The following BAALC variants were observed in gnomAD, a reference collection of about 807,000 sequenced individuals.
BAALC encodes the protein BAALC binder of MAP3K1 and KLF4.
In BAALC, 9 loss-of-function variants were observed where a neutral mutation model predicts 15.5. The observed-to-expected ratio is 0.58, with a 90% CI of 0.35 to 1.02. The LOEUF is 1.02. Among genes scored for constraint, BAALC ranks in the 50% least tolerant of loss-of-function variants. The probability of loss-of-function intolerance (pLI) is 0.02; values close to 1 mark genes in which losing one functional copy is unlikely to be tolerated. For missense variants in BAALC, 201 were observed against 192.4 expected (o/e 1.04, Z -0.27); for synonymous variants, 80 against 74.6 (o/e 1.07, Z -0.37).
At chr8:103,155,040 C>T (rs190443244) in intron 1 of BAALC, among the ~76,000 whole-genome samples, 4 of 152,024 alleles carry the variant, frequency 2.6e-5, no homozygotes, top group Non-Finnish European at 4.4e-5. Context: ...GCCTCCATTC[C>T]ACTTCGCCAA....
At chr8:103,181,311 C>T (rs868244312) in intron 1 of BAALC, among the ~76,000 whole-genome samples, 11 of 152,112 alleles carry the variant, frequency 7.2e-5, no homozygotes, top group Non-Finnish European at 1.3e-4. Context: ...CTCGCTCTGT[C>T]GCCCAGGCTG....
At chr8:103,211,455 A>T (rs1357198614) in intron 1 of BAALC, among the ~76,000 whole-genome samples, 4 of 152,028 alleles carry the variant, frequency 2.6e-5, no homozygotes, top group Non-Finnish European at 5.9e-5. Flanking sequence ...ACTCGTCCTC[A>T]TTTTGTGGTT....
At chr8:103,224,302 A>G (rs923870552) in intron 2 of BAALC, among the ~76,000 whole-genome samples, 8 of 152,046 alleles carry the variant, frequency 5.3e-5, no homozygotes, top group Non-Finnish European at 8.8e-5. Context: ...ACATGTGCCC[A>G]AGGTGAGCGG....
intron 1 of BAALC, among the ~76,000 whole-genome samples, chr8:103,197,236 G>T (rs939342724): frequency 3.3e-5 from 5 of 150,982 alleles, no homozygotes; most frequent in Non-Finnish European, 7.4e-5. Flanking sequence ...TGAAAGGAAA[G>T]GTTTTAGAGT....
chr8:103,154,940 A>AAT (rs1222978035), intron 1 of BAALC, among the ~76,000 whole-genome samples: 1 of 142,120 alleles, frequency 7.0e-6, no homozygotes, highest in Admixed American at 7.0e-5. Context: ...ATATATATAT[A>AAT]ATATATATGG....
At chr8:103,227,652 G>C (rs985321423) in intron 2 of BAALC, among the ~76,000 whole-genome samples, 2 of 152,126 alleles carry the variant, frequency 1.3e-5, no homozygotes, top group African/African-American at 4.8e-5. Flanking sequence ...ATATTTGACT[G>C]TTCCTCTATC....
At chr8:103,221,337 C>T (rs1812674027) in intron 2 of BAALC, among the ~76,000 whole-genome samples, 1 of 152,038 alleles carries the variant, frequency 6.6e-6, no homozygotes, top group Admixed American at 6.5e-5. Context: ...AGAGGTGGCC[C>T]ATTAACAAGA....
chr8:103,153,774 A>G (rs1225621740), intron 1 of BAALC, among the ~76,000 whole-genome samples: 3 of 152,196 alleles, frequency 2.0e-5, no homozygotes, highest in Non-Finnish European at 4.4e-5. Context: ...AAGAGTTGAC[A>G]GTGTTTTCTG....
In BAALC at chr8:103,229,876, A is replaced by T. The variant is rs1294031967; in HGVS notation, c.*1777A>T. 2 of 152,208 alleles carry T rather than the reference A, an allele frequency of 1.3e-5. No homozygotes were observed. The highest frequency in any genetic ancestry group is 4.8e-5 in the African/African-American group (2 of 41,450). The allele number at this position is 152,208 out of a possible 1,614,324, so 9.4% of individuals were successfully genotyped here. On this transcript the variant is annotated 3_prime_UTR_variant, in exon 3 of 3. Transcript: ENST00000309982. ...TAATAAGATAAAAGAAAAACCTGTG[A>T]TTCATATGTCCCCACTGGCATTACT...
intron 1 of BAALC, among the ~76,000 whole-genome samples, chr8:103,186,593 C>A (rs1811843565): frequency 6.6e-6 from 1 of 152,186 alleles, no homozygotes; most frequent in Non-Finnish European, 1.5e-5. Context: ...AAGGCCTCTT[C>A]ATTCAAGCTA....
chr8:103,219,898 G>A (rs1812640574), intron 2 of BAALC, among the ~76,000 whole-genome samples: 1 of 152,214 alleles, frequency 6.6e-6, no homozygotes, highest in Non-Finnish European at 1.5e-5. Context: ...TGGGAAGGAA[G>A]AGAGGATAAA....
At chr8:103,154,891 T>G (rs796751489) in intron 1 of BAALC, among the ~76,000 whole-genome samples, 4 of 150,946 alleles carry the variant, frequency 2.6e-5, no homozygotes, top group African/African-American at 9.7e-5. Flanking sequence ...TAACACCACC[T>G]GTGATGTGGG....
intron 1 of BAALC, among the ~76,000 whole-genome samples, chr8:103,147,263 G>C (rs1810896509): frequency 1.3e-5 from 2 of 152,208 alleles, no homozygotes; most frequent in South Asian, 4.1e-4. Flanking sequence ...CTCCACTGCA[G>C]GGTGTAGTAG....
intron 1 of BAALC, among the ~76,000 whole-genome samples, chr8:103,163,865 A>G (rs1586387292): frequency 6.6e-6 from 1 of 151,962 alleles, no homozygotes; most frequent in African/African-American, 2.4e-5. Context: ...TCCCACAAAT[A>G]TTCTTCAGCA....
At chr8:103,224,485 T>C (rs977930614) in intron 2 of BAALC, among the ~76,000 whole-genome samples, 1 of 152,044 alleles carries the variant, frequency 6.6e-6, no homozygotes, top group Non-Finnish European at 1.5e-5. Flanking sequence ...TGGTAGACAA[T>C]TGGTTGCGTT....
In BAALC at chr8:103,183,328, C is replaced by A. The variant is rs140023041; in HGVS notation, c.161-29591C>A. On this transcript the variant is annotated intron_variant, in intron 1 of 2. Transcript: ENST00000309982. ...TCTTATTTCCCTTTTGAGTCCTAAC[C>A]ACTTCCACTGTTCTTATTTTCCTGG... 324 of 702,864 alleles carry A rather than the reference C, an allele frequency of 4.6e-4. No individual in the cohort carries two copies. The African/African-American group carries it at 5.0e-3, about 11-fold the overall frequency. The allele number at this position is 702,864 out of a possible 1,614,324, so 43.5% of individuals were successfully genotyped here. A position where few individuals can be genotyped will look rare whatever the true frequency, so the allele number is the denominator to read the frequency against.
At chr8:103,143,768 C>T (rs1353629) in intron 1 of BAALC, among the ~76,000 whole-genome samples, 35,878 of 152,106 alleles carry the variant, frequency 0.24, 4,343 homozygotes, top group East Asian at 0.41. Context: ...CTGTGCTGAA[C>T]ACATCTGGGA....
At chr8:103,185,522 C>A (rs755183370) in intron 1 of BAALC, among the ~76,000 whole-genome samples, 1 of 152,212 alleles carries the variant, frequency 6.6e-6, no homozygotes, top group Non-Finnish European at 1.5e-5. Context: ...ATATCAACAT[C>A]ATTCCCTATT....
chr8:103,219,802 T>C (rs994908924), intron 2 of BAALC, among the ~76,000 whole-genome samples: 2 of 152,232 alleles, frequency 1.3e-5, no homozygotes, highest in African/African-American at 4.8e-5. Flanking sequence ...GGGTGTGTTA[T>C]TGTGTATCTT....
Sources: allele counts gnomAD v4.1 joint callset (sites outside exome capture counted in the v4.1 genomes callset), GRCh38; gene constraint gnomAD v4.1.1; transcripts MANE v1.5; gene names NCBI Gene and HGNC (gene_info 2026-07-23, HGNC 2026-07-21).